The following NIT1 variants were observed in gnomAD, a reference collection of about 807,000 sequenced individuals.
NIT1 encodes deaminated glutathione amidase.
A neutral mutation model predicts 36.8 loss-of-function variants in NIT1; 30 were observed. The ratio of observed to expected loss-of-function variants is 0.82; its 90% CI spans 0.61 to 1.11. The LOEUF is 1.11. NIT1 is among the 50% of genes least tolerant of loss of function. NIT1 has a pLI of 0.00. For synonymous variants in NIT1, 151 were observed against 155.6 expected, an observed-to-expected ratio of 0.97 and a Z score of 0.22; for missense variants, 438 against 410.6, an observed-to-expected ratio of 1.07 and a Z score of -0.58.
chr1:161,124,501 G>C, downstream of NIT1: 8 of 1,568,220 alleles, frequency 5.1e-6, no homozygotes, highest in Non-Finnish European at 6.9e-6. Context: ...CAGAATCCCT[G>C]CTCAGCAGCT....
chr1:161,121,056 A>C lies in NIT1; in HGVS notation c.*291A>C, dbSNP rs1419842109. Reference sequence around the variant, plus strand: ...CAGCACTGGCATTGAAAAATATAATAATCATAAAGTCTGTGTCTGGACATC... The same window carrying C: ...CAGCACTGGCATTGAAAAATATAATCATCATAAAGTCTGTGTCTGGACATC... On this transcript the variant is annotated 3_prime_UTR_variant, in exon 7 of 7. Coordinates refer to ENST00000368009, the MANE Select transcript of NIT1 (RefSeq NM_005600.3). 13 of 1,259,532 alleles carry C rather than the reference A, an allele frequency of 1.0e-5. No homozygotes were observed. The East Asian group carries it at 2.4e-4, about 23-fold the overall frequency. The allele number at this position is 1,259,532 out of a possible 1,614,324, so 78.0% of individuals were successfully genotyped here.
rs749199127 is a variant in NIT1, at chr1:161,119,506, C to T, written c.354-3C>T. The T allele has an allele frequency of 6.2e-7, 1 of 1,613,896 alleles. No individual in the cohort carries two copies. Among genetic ancestry groups the T allele is most frequent in the South Asian group, 1.1e-5 (1 of 91,076 alleles). On this transcript the variant is annotated splice_polypyrimidine_tract_variant and splice_region_variant and intron_variant, in intron 3 of 6. Coordinates refer to ENST00000368009, the MANE Select transcript of NIT1 (RefSeq NM_005600.3). Reference sequence around the variant, plus strand: ...AAGAGTTGTCAGTGTCCCTTCCCCCCAGGGAATGTGGACTCTGGCTGTCCT... The same window carrying T: ...AAGAGTTGTCAGTGTCCCTTCCCCCTAGGGAATGTGGACTCTGGCTGTCCT...
Position 161,120,126 on chromosome 1 carries a change from A to T in NIT1, c.611A>T (p.Tyr204Phe). 1.2e-6 allele frequency: 2 copies of T among 1,614,182 alleles called. No individual in the cohort carries two copies. Among genetic ancestry groups the T allele is most frequent in the Non-Finnish European group, 1.7e-6 (2 of 1,180,036 alleles). ...TTCCAGATTGGTCTAGCTGTCTGCT[A>T]TGACATGCGGTTCCCTGAACTCTCT... The part of the protein sequence containing the change: ...PAGKIGLAVC[Y>F]DMRFPELSLA... Residue 204 changes from tyrosine to phenylalanine, a missense_variant, in exon 6 of 7, where the codon TAT becomes TTT. Transcript: ENST00000368009.
downstream of NIT1, chr1:161,123,002 G>A (rs1488232945): frequency 3.1e-6 from 5 of 1,614,020 alleles, no homozygotes; most frequent in African/African-American, 1.3e-5. Flanking sequence ...AGCATAAACT[G>A]CCCAGTGTCC....
chr1:161,120,611 C>T lies in NIT1; in HGVS notation c.830C>T (p.Pro277Leu). 6.2e-7 allele frequency: 1 copy of T among 1,614,168 alleles called. No homozygotes were observed. Residue 277 changes from proline (P) to leucine (L), a missense_variant, in exon 7 of 7, where the codon CCC (proline) becomes CTC (leucine). Transcript: ENST00000368009. ...TATGGCCACAGCATGGTGGTAGACC[C>T]CTGGGGAACAGTGGTGGCCCGCTGC... ...ASYGHSMVVD[P>L]WGTVVARCSE...
chr1:161,123,739 C>T (rs991849045), downstream of NIT1: 16 of 1,064,742 alleles, frequency 1.5e-5, no homozygotes, highest in Admixed American at 6.9e-5. Context: ...GATGTGGGCG[C>T]ACAGCATCCT....
In NIT1 at chr1:161,119,353, T is replaced by C; in HGVS notation, c.318T>C (p.Gly106=). Residue 106 remains glycine (G), a synonymous_variant, in exon 3 of 7, where the codon GGT becomes GGC. Coordinates refer to ENST00000368009, the MANE Select transcript of NIT1 (RefSeq NM_005600.3). The part of the protein sequence containing the change: ...AETLHLSEPL[G]GKLLEEYTQL... ...CGCTACACCTGTCTGAACCACTGGG[T>C]GGGAAACTTTTGGAAGAATACACCC... 1 of 1,614,116 alleles carries C rather than the reference T, an allele frequency of 6.2e-7. No individual in the cohort carries two copies. The highest frequency in any genetic ancestry group is 8.5e-7 in the Non-Finnish European group (1 of 1,179,986).
downstream of NIT1, chr1:161,123,028 TTC>T: frequency 6.2e-7 from 1 of 1,614,242 alleles, no homozygotes; most frequent in Non-Finnish European, 8.5e-7. Context: ...GTTCTTTATA[TTC>T]TCCTTCAAGT....
Position 161,119,946 on chromosome 1 carries a change from A to G in NIT1, c.585A>G (p.Ala195=). The G allele has an allele frequency of 6.2e-7, 1 of 1,608,706 alleles. No homozygotes were observed. The highest frequency in any genetic ancestry group is 8.5e-7 in the Non-Finnish European group (1 of 1,177,706). The change falls in exon 5 of 7, where the codon GCA becomes GCG. Residue 195 remains alanine, a synonymous_variant. Coordinates refer to ENST00000368009, the MANE Select transcript of NIT1 (RefSeq NM_005600.3). Reference sequence around the variant, plus strand: ...TTGAGTCACCTGTCAGCACACCAGCAGGCAAGGTAGGAGTTGTGAAAGGAT... The same window carrying G: ...TTGAGTCACCTGTCAGCACACCAGCGGGCAAGGTAGGAGTTGTGAAAGGAT... ...PSLESPVSTP[A]GKIGLAVCYD...
downstream of NIT1, chr1:161,124,555 A>AAG: frequency 6.6e-7 from 1 of 1,515,252 alleles, no homozygotes; most frequent in Non-Finnish European, 8.8e-7. Context: ...AACCGATGAG[A>AAG]CACTCAAGGG....
intron 1 of NIT1, 26 bp downstream of exon 1, chr1:161,118,204 G>C (rs1392702632): frequency 1.2e-5 from 19 of 1,613,918 alleles, no homozygotes; most frequent in Non-Finnish European, 1.4e-5. Context: ...TATCCCGTCG[G>C]CCGCGGTGAA....
chr1:161,118,249 A>G, intron 1 of NIT1, 71 bp downstream of exon 1: 1 of 1,613,220 alleles, frequency 6.2e-7, no homozygotes, highest in Middle Eastern at 1.6e-4. Context: ...TGTAACAGAG[A>G]TGCTGCCTCT....
intron 1 of NIT1, chr1:161,118,481 C>G: frequency 2.6e-6 from 4 of 1,536,102 alleles, no homozygotes; most frequent in Non-Finnish European, 3.5e-6. Context: ...TTGGGAAAAC[C>G]AAGGATAGTT....
At chr1:161,123,928 T>G, downstream of NIT1, 1 of 1,614,038 alleles carries the variant, frequency 6.2e-7, no homozygotes, top group Non-Finnish European at 8.5e-7. Flanking sequence ...CAGATACTTG[T>G]CTACAAGATC....
rs967446824 is a variant in NIT1 at position 161,118,150 on chromosome 1, C to T, written c.-27C>T. ...CTCCAGACCGCCCTCCGGATCGGAC[C>T]CTGCGAATGGTTTTGGCTATATCTT... is the stretch of plus-strand genomic sequence containing the variant. On this transcript the variant is annotated 5_prime_UTR_variant, in exon 1 of 7. Coordinates refer to ENST00000368009, the MANE Select transcript of NIT1 (RefSeq NM_005600.3). 9 of 1,613,888 alleles carry T rather than the reference C, an allele frequency of 5.6e-6. No individual in the cohort carries two copies. Among genetic ancestry groups the T allele is most frequent in the Non-Finnish European group, 6.8e-6 (8 of 1,179,938 alleles).
rs752865281 is a variant in NIT1, at chr1:161,118,135, C to G, written c.-42C>G. 1.2e-6 allele frequency: 2 copies of G among 1,613,904 alleles called. No homozygotes were observed. The highest frequency in any genetic ancestry group is 1.7e-6 in the Non-Finnish European group (2 of 1,179,896). ...CTGCGGCGCTTCTGGCTCCAGACCG[C>G]CCTCCGGATCGGACCCTGCGAATGG... On this transcript the variant is annotated 5_prime_UTR_variant, in exon 1 of 7. Coordinates refer to ENST00000368009, the MANE Select transcript of NIT1 (RefSeq NM_005600.3).
rs746769362 is a variant in NIT1, at chr1:161,120,638, C to T, written c.857C>T (p.Ser286Phe). 5 of 1,614,090 alleles carry T rather than the reference C, an allele frequency of 3.1e-6. No homozygotes were observed. The highest frequency in any genetic ancestry group is 4.2e-6 in the Non-Finnish European group (5 of 1,180,044). The change falls in exon 7 of 7, where the codon TCT (serine) becomes TTT (phenylalanine). Residue 286 changes from serine to phenylalanine, a missense_variant. Transcript: ENST00000368009. ...TGGGGAACAGTGGTGGCCCGCTGCTCTGAGGGGCCAGGCCTCTGCCTTGCC... is the reference window on the plus strand; with the variant it reads ...TGGGGAACAGTGGTGGCCCGCTGCTTTGAGGGGCCAGGCCTCTGCCTTGCC... The part of the protein sequence containing the change: ...DPWGTVVARC[S>F]EGPGLCLARI...
In NIT1 at chr1:161,118,110, C is replaced by G; in HGVS notation, c.-67C>G. On this transcript the variant is annotated 5_prime_UTR_variant, in exon 1 of 7. Transcript: ENST00000368009. Reference sequence around the variant, plus strand: ...CGGCCTGCGAGTTACCGCCCACTCGCTGCGGCGCTTCTGGCTCCAGACCGC... The same window carrying G: ...CGGCCTGCGAGTTACCGCCCACTCGGTGCGGCGCTTCTGGCTCCAGACCGC... 1 of 1,613,368 alleles carries G rather than the reference C, an allele frequency of 6.2e-7. No individual in the cohort carries two copies. The highest frequency in any genetic ancestry group is 8.5e-7 in the Non-Finnish European group (1 of 1,179,716).
Position 161,118,824 on chromosome 1 carries a change from C to T in NIT1, c.41C>T (p.Ser14Phe). 1 of 1,614,048 alleles carries T rather than the reference C, an allele frequency of 6.2e-7. No individual in the cohort carries two copies. The highest frequency in any genetic ancestry group is 8.5e-7 in the Non-Finnish European group (1 of 1,179,906). ...FITRPPHRFL[S>F]LLCPGLRIPQ... is the part of the protein sequence containing the mutation. Reference sequence around the variant, plus strand: ...ACCAGGCCTCCTCACAGATTCCTGTCCCTTCTGTGTCCTGGACTCCGGATA... The same window carrying T: ...ACCAGGCCTCCTCACAGATTCCTGTTCCTTCTGTGTCCTGGACTCCGGATA... The change falls in exon 2 of 7, where the codon TCC (serine) becomes TTC (phenylalanine). Residue 14 changes from serine to phenylalanine, a missense_variant. Physicochemically the swap from Ser to Phe is radical, Grantham distance 155. Coordinates refer to ENST00000368009, the MANE Select transcript of NIT1 (RefSeq NM_005600.3).
Sources: gnomAD v4.1 joint callset for allele counts on GRCh38, gnomAD v4.1.1 for gene constraint, MANE v1.5 for transcripts, NCBI Gene and HGNC (gene_info 2026-07-23, HGNC 2026-07-21) for gene names.